PGD: variants seen among roughly 807,000 people sequenced by gnomAD.
The protein encoded by PGD is phosphogluconate dehydrogenase.
A neutral mutation model predicts 60.4 loss-of-function variants in PGD; 21 were observed. That is an observed-to-expected ratio of 0.35 (90% CI 0.25 to 0.50). PGD has a LOEUF of 0.50. PGD is among the 20% of genes least tolerant of loss of function. The pLI is 0.98. For missense variants in PGD, 477 were observed against 613.1 expected (o/e 0.78, Z 2.34); for synonymous variants, 230 against 235.9 (o/e 0.97, Z 0.23).
intron 11 of PGD, 73 bp downstream of exon 11, chr1:10,418,998 G>GTTT: frequency 2.9e-5 from 20 of 678,468 alleles, no homozygotes; most frequent in Non-Finnish European, 3.7e-5. Context: ...TTGGTTTTTT[G>GTTT]TTTTTTTTTT....
At chr1:10,412,967 A>C in intron 7 of PGD, 95 bp from the exon 8 acceptor site, 8 of 1,058,104 alleles carry the variant, frequency 7.6e-6, no homozygotes, top group Non-Finnish European at 1.1e-5. Context: ...CCTGCTGGCA[A>C]CCGTGAGCAT....
rs1211837327 is a variant in PGD at position 10,408,136 on chromosome 1, A to T, written c.515A>T (p.Asp172Val). ...GTGGGAACTGGAGAACCCTGCTGTGACTGGGCAAGTTCTGGGCTACTCTTT... is the reference window on the plus strand; with the variant it reads ...GTGGGAACTGGAGAACCCTGCTGTGTCTGGGCAAGTTCTGGGCTACTCTTT... ...AKVGTGEPCC[D>V]WVGDEGAGHF... The change falls in exon 6 of 13, where the codon GAC (aspartate) becomes GTC (valine). Residue 172 changes from aspartate to valine, a missense_variant. Asp to Val is a radical substitution (Grantham distance 152). Around this residue, in one of 3 missense-constraint regions of PGD, gnomAD observed 431 missense variants for 556.6 expected, o/e 0.77. Coordinates refer to ENST00000270776, the MANE Select transcript of PGD (RefSeq NM_002631.4). 6.3e-7 allele frequency: 1 copy of T among 1,580,990 alleles called. No individual in the cohort carries two copies. The highest frequency in any genetic ancestry group is 8.7e-7 in the Non-Finnish European group (1 of 1,149,676).
rs543426528 is a variant in PGD, at chr1:10,409,649, CTTTTTTTT to C, written c.519+1528_519+1535del. 1.1e-4 allele frequency among the ~76,000 whole-genome samples: 8 copies of C among 75,404 alleles called. 1 individual carries two copies. The highest frequency in any genetic ancestry group is 2.4e-4 in the African/African-American group (4 of 16,422). The allele number at this position is 75,404 out of a possible 152,430, so 49.5% of individuals were successfully genotyped here. A position where few individuals can be genotyped will look rare whatever the true frequency, so the allele number is the denominator to read the frequency against. ...CTGCAATAAAAGTGAGTGGTAGCAA[CTTTTTTTT>C]TTTTTTTTTTTTTTTTTTGAGACAG... On this transcript the variant is annotated intron_variant, in intron 6 of 12. Transcript: ENST00000270776.
rs193015328 is a variant in PGD, at chr1:10,409,931, T to C, written c.520-1487T>C. Among the ~76,000 whole-genome samples the C allele has an allele frequency of 4.3e-4, 66 of 152,220 alleles. No individual in the cohort carries two copies. The East Asian group carries it at 7.6e-3, about 17-fold the overall frequency. On this transcript the variant is annotated intron_variant, in intron 6 of 12. Coordinates refer to ENST00000270776, the MANE Select transcript of PGD (RefSeq NM_002631.4). ...TTGGCCTCCCAAAGTGTTGGGATTA[T>C]AGGCGTGAGCCACCGCACCCAGCCT...
intron 1 of PGD, 24 bp from the exon 2 acceptor site, chr1:10,399,588 CGGTGCTGACTCTTTCCT>C (rs1557757752): frequency 6.4e-7 from 1 of 1,568,150 alleles, no homozygotes; most frequent in African/African-American, 1.3e-5. Flanking sequence ...GCGCGTCGAG[CGGTGCTGACTCTTTCCT>C]TTGTTCTGTT....
chr1:10,416,474 CT>C (rs2124212416), intron 8 of PGD, among the ~76,000 whole-genome samples: 1 of 152,336 alleles, frequency 6.6e-6, no homozygotes. Context: ...TATAAACAGA[CT>C]TTCCTGCTCC....
chr1:10,402,010 G>A (rs1449533919), intron 3 of PGD, among the ~76,000 whole-genome samples: 2 of 151,658 alleles, frequency 1.3e-5, no homozygotes, highest in East Asian at 1.9e-4. Context: ...GCGAGACTCC[G>A]TCTCAAATAA....
rs529431078 is a variant in PGD, at chr1:10,408,066, C to T, written c.450-5C>T. On this transcript the variant is annotated splice_polypyrimidine_tract_variant and splice_region_variant and intron_variant, in intron 5 of 12. Coordinates refer to ENST00000270776, the MANE Select transcript of PGD (RefSeq NM_002631.4). Reference sequence around the variant, plus strand: ...TTAACTGAACCACACTGTTTCTTTACACAGGCCCCACATCAAGACCATCTT... The same window carrying T: ...TTAACTGAACCACACTGTTTCTTTATACAGGCCCCACATCAAGACCATCTT... 106 of 1,586,460 alleles carry T rather than the reference C, an allele frequency of 6.7e-5. No homozygotes were observed. Among genetic ancestry groups the T allele is most frequent in the Non-Finnish European group, 8.9e-5 (103 of 1,154,854 alleles).
intron 1 of PGD, 188 bp from the exon 2 acceptor site, chr1:10,399,441 G>T (rs1639271460): frequency 4.2e-6 from 2 of 475,816 alleles, no homozygotes; most frequent in Middle Eastern, 8.1e-4. Flanking sequence ...GGGCGCGAGG[G>T]CGGGGCTGGG....
At chr1:10,405,548 G>A (rs1415684512) in intron 5 of PGD, among the ~76,000 whole-genome samples, 1 of 144,362 alleles carries the variant, frequency 6.9e-6, no homozygotes, top group African/African-American at 2.5e-5. Flanking sequence ...TCTGAAATAT[G>A]ATTCTTTAAG....
Position 10,399,721 on chromosome 1 carries a change from C to T in PGD, c.84+17C>T, listed in dbSNP as rs1254902878. 12 of 1,611,844 alleles carry T rather than the reference C, an allele frequency of 7.4e-6. No homozygotes were observed. Among genetic ancestry groups the T allele is most frequent in the Non-Finnish European group, 1.0e-5 (12 of 1,178,122 alleles). ...GGCTTTGTGGTAAGCGGCGTGGGCG[C>T]GTTGTCTTCTCTCTGGTTCCCGGGC... On this transcript the variant is annotated intron_variant, in intron 2 of 12. Coordinates refer to ENST00000270776, the MANE Select transcript of PGD (RefSeq NM_002631.4).
At chr1:10,416,315 T>G (rs1639593507) in intron 8 of PGD, among the ~76,000 whole-genome samples, 1 of 152,260 alleles carries the variant, frequency 6.6e-6, no homozygotes, top group Admixed American at 6.5e-5. Flanking sequence ...GAATTTCATG[T>G]TAATCTTTGT....
intron 7 of PGD, among the ~76,000 whole-genome samples, chr1:10,412,302 C>T (rs762777519): frequency 2.0e-5 from 3 of 152,188 alleles, no homozygotes; most frequent in Non-Finnish European, 4.4e-5. Context: ...GCTTTCTAGT[C>T]GTGTCTTACC....
chr1:10,417,092 A>C lies in PGD; in HGVS notation c.950A>C (p.Lys317Thr), dbSNP rs760490968. The C allele has an allele frequency of 1.2e-6, 2 of 1,613,898 alleles. No individual in the cohort carries two copies. Among genetic ancestry groups the C allele is most frequent in the Admixed American group, 3.3e-5 (2 of 59,998 alleles). The change falls in exon 9 of 13, where the codon AAA (lysine) becomes ACA (threonine). Residue 317 changes from lysine to threonine, a missense_variant. By Grantham distance (78) the Lys-to-Thr change is moderately conservative. Coordinates refer to ENST00000270776, the MANE Select transcript of PGD (RefSeq NM_002631.4). Reference protein sequence around the residue: ...PQKFQFDGDKKSFLEDIRKAL... With the variant: ...PQKFQFDGDKTSFLEDIRKAL... Reference sequence around the variant, plus strand: ...AAGTTCCAGTTTGATGGTGATAAGAAATCATTCCTGGAGGACATTCGGAAG... The same window carrying C: ...AAGTTCCAGTTTGATGGTGATAAGACATCATTCCTGGAGGACATTCGGAAG...
intron 5 of PGD, 107 bp from the exon 6 acceptor site, chr1:10,407,960 AAAAG>A (rs1338373661): frequency 1.6e-4 from 114 of 723,288 alleles, no homozygotes; most frequent in Middle Eastern, 2.5e-4. Context: ...AAAAAAAAAA[AAAAG>A]AAAGGAAAAG....
chr1:10,412,964 G>A, intron 7 of PGD, 98 bp from the exon 8 acceptor site: 1 of 1,016,580 alleles, frequency 9.8e-7, no homozygotes, highest in Non-Finnish European at 1.5e-6. Context: ...GAGCCTGCTG[G>A]CAACCGTGAG....
At chr1:10,406,466 T>C (rs995026883) in intron 5 of PGD, among the ~76,000 whole-genome samples, 2 of 152,158 alleles carry the variant, frequency 1.3e-5, no homozygotes, top group Non-Finnish European at 2.9e-5. Flanking sequence ...CAGCAGACAA[T>C]GCACGTAAAA....
At chr1:10,405,388 A>AAAAT (rs1639383304) in intron 5 of PGD, among the ~76,000 whole-genome samples, 3 of 67,206 alleles carry the variant, frequency 4.5e-5, no homozygotes, top group Non-Finnish European at 9.7e-5. Context: ...AACAAAACAA[A>AAAAT]ACAAACAAAA....
In PGD at chr1:10,419,613, ACTCT is replaced by A; in HGVS notation, c.1333-13_1333-10del. The A allele has an allele frequency of 1.2e-6, 2 of 1,613,756 alleles. No homozygotes were observed. Among genetic ancestry groups the A allele is most frequent in the Non-Finnish European group, 1.7e-6 (2 of 1,179,852 alleles). On this transcript the variant is annotated splice_polypyrimidine_tract_variant and intron_variant, in intron 12 of 12. Coordinates refer to ENST00000270776, the MANE Select transcript of PGD (RefSeq NM_002631.4). ...CGCCATGGACTGTCCTGACCAACCT[ACTCT>A]CTCGTTTCCTAGGCTCAGCGGGATT...
Sources: gnomAD v4.1 joint callset for allele counts (sites outside exome capture counted in the v4.1 genomes callset) on GRCh38, gnomAD v4.1.1 for gene constraint, gnomAD v4.1.1 regional missense constraint, MANE v1.5 for transcripts, NCBI Gene and HGNC (gene_info 2026-07-23, HGNC 2026-07-21) for gene names.